Variants in WNK1 observed in about 807,000 individuals in gnomAD.
WNK1 encodes the protein serine/threonine-protein kinase WNK1.
Under a neutral mutation model 222.8 loss-of-function variants are expected in WNK1, and 38 were observed. That is an observed-to-expected ratio of 0.17 (90% CI 0.13 to 0.22). The LOEUF (loss-of-function observed/expected upper bound fraction) is 0.22. Among genes scored for constraint, WNK1 ranks in the 10% least tolerant of loss-of-function variants. WNK1 has a pLI of 1.00. For missense variants in WNK1, 2,348 were observed against 2,918.4 expected (o/e 0.80, Z 4.50); for synonymous variants, 1,090 against 1,092.9 (o/e 1.00, Z 0.05).
At chr12:859,560 C>T in intron 6 of WNK1, 96 bp downstream of exon 6, 2 of 902,076 alleles carry the variant, frequency 2.2e-6, no homozygotes, top group East Asian at 2.5e-5. Flanking sequence ...CCGTGTGTGG[C>T]ATATCCCATT....
chr12:877,508 G>A (rs570152971), intron 9 of WNK1, among the ~76,000 whole-genome samples: 3 of 152,152 alleles, frequency 2.0e-5, no homozygotes, highest in South Asian at 2.1e-4. Flanking sequence ...GTATAATTAC[G>A]CACCATGCAT....
rs1194455615 is a variant in WNK1 at position 794,936 on chromosome 12, G to A, written c.760-18706G>A. Among the ~76,000 whole-genome samples the A allele has an allele frequency of 2.0e-5, 3 of 152,072 alleles. No individual in the cohort carries two copies. The South Asian group carries it at 6.2e-4, about 32-fold the overall frequency. ...CTGGCTAATTTTTTTAAAAAATTGT[G>A]TAGAGATGTGGTCTTGCTGTGTTGC... is the stretch of plus-strand genomic sequence containing the variant. On this transcript the variant is annotated intron_variant, in intron 1 of 27. Transcript: ENST00000315939.
intron 15 of WNK1, 144 bp from the exon 16 acceptor site, chr12:883,251 T>A: frequency 9.4e-7 from 1 of 1,064,672 alleles, no homozygotes; most frequent in Non-Finnish European, 1.4e-6. Flanking sequence ...AACTAGATAT[T>A]GAAGTTCTTA....
rs750956260 is a variant in WNK1, at chr12:909,073, G to A, written c.*281G>A. 19 of 432,286 alleles carry A rather than the reference G, an allele frequency of 4.4e-5. No homozygotes were observed. The highest frequency in any genetic ancestry group is 6.8e-5 in the Non-Finnish European group (16 of 234,722). 26.8% of individuals were successfully genotyped at this position (432,286 alleles called of 1,614,324 possible). On this transcript the variant is annotated 3_prime_UTR_variant, in exon 28 of 28. Transcript: ENST00000315939. ...TATCTATACTCAGTAATGAGGATGA[G>A]GGCTAGGAAAGTCTTGTTCATAAGG...
chr12:879,192 G>A (rs1952896490), intron 10 of WNK1, among the ~76,000 whole-genome samples: 1 of 152,102 alleles, frequency 6.6e-6, no homozygotes, highest in East Asian at 1.9e-4. Flanking sequence ...TGTAACAGCA[G>A]TCGTAACTTT....
At chr12:834,650 G>T (rs1344958914) in intron 4 of WNK1, among the ~76,000 whole-genome samples, 1 of 152,140 alleles carries the variant, frequency 6.6e-6, no homozygotes, top group East Asian at 1.9e-4. Flanking sequence ...TAATTTCTCT[G>T]TACTTCAATT....
At chr12:828,767 G>A (rs1948569640) in intron 3 of WNK1, among the ~76,000 whole-genome samples, 1 of 152,174 alleles carries the variant, frequency 6.6e-6, no homozygotes, top group Non-Finnish European at 1.5e-5. Context: ...TTCACTCTAT[G>A]AAGAGGATAT....
rs1218206749 is a variant in WNK1, at chr12:760,349, T to A, written c.759+6025T>A. 2.7e-5 allele frequency among the ~76,000 whole-genome samples: 4 copies of A among 147,774 alleles called. 2 individuals are homozygous for A. The highest frequency in any genetic ancestry group is 1.3e-4 in the Admixed American group (2 of 14,886). On this transcript the variant is annotated intron_variant, in intron 1 of 27. Transcript: ENST00000315939. ...TATGGTGTAATAGAATACTATACAA[T>A]GAAAAGGAGCACCAAGGCAGAACCC...
Position 908,688 on chromosome 12 carries a change from G to T in WNK1, c.7045G>T (p.Gly2349Cys). 6.2e-7 allele frequency: 1 copy of T among 1,614,132 alleles called. No homozygotes were observed. The highest frequency in any genetic ancestry group is 8.5e-7 in the Non-Finnish European group (1 of 1,180,024). Reference sequence around the variant, plus strand: ...GGGTGGCCCAGCACCACAGCCACTTGGCCAGTTCCAACCTGTGGGAACTGC... The same window carrying T: ...GGGTGGCCCAGCACCACAGCCACTTTGCCAGTTCCAACCTGTGGGAACTGC... ...GTGGPAPQPLGQFQPVGTASL... is the reference protein window; with the variant it reads ...GTGGPAPQPLCQFQPVGTASL... Residue 2349 changes from glycine (G) to cysteine (C), a missense_variant, in exon 28 of 28, where the codon GGC becomes TGC. By Grantham distance (159) the Gly-to-Cys change is radical. Coordinates refer to ENST00000315939, the MANE Select transcript of WNK1 (RefSeq NM_018979.4).
chr12:757,353 G>C (rs369138312), intron 1 of WNK1, among the ~76,000 whole-genome samples: 79,955 of 125,444 alleles, frequency 0.64, 26,352 homozygotes, highest in East Asian at 0.88. Flanking sequence ...AAGAGACGGA[G>C]TCTTGCTCTA....
intron 1 of WNK1, among the ~76,000 whole-genome samples, chr12:804,616 A>G (rs1013036727): frequency 1.3e-5 from 2 of 151,974 alleles, no homozygotes; most frequent in Admixed American, 1.3e-4. Flanking sequence ...CAGGTGATCC[A>G]CCTGCCTTGG....
At chr12:808,540 T>G (rs1946595789) in intron 1 of WNK1, among the ~76,000 whole-genome samples, 1 of 152,152 alleles carries the variant, frequency 6.6e-6, no homozygotes, top group Non-Finnish European at 1.5e-5. Flanking sequence ...TATATGTATC[T>G]GCTACTTTTA....
intron 1 of WNK1, among the ~76,000 whole-genome samples, chr12:797,575 T>C (rs1591746870): frequency 6.6e-6 from 1 of 152,200 alleles, no homozygotes; most frequent in Non-Finnish European, 1.5e-5. Flanking sequence ...GCCATACTTT[T>C]ATTTATTATT....
In WNK1 at chr12:896,485, G is replaced by A. The variant is rs774666279; in HGVS notation, c.5998G>A (p.Glu2000Lys). ...PAVIPKKEKP[E>K]LSEPSHLNGP... ...TGTGATACCAAAGAAAGAGAAGCCTGAACTGTCAGAGCCTTCACATCTAAA... is the reference window on the plus strand; with the variant it reads ...TGTGATACCAAAGAAAGAGAAGCCTAAACTGTCAGAGCCTTCACATCTAAA... The change falls in exon 24 of 28, where the codon GAA (glutamate) becomes AAA (lysine). Residue 2000 changes from glutamate to lysine, a missense_variant. This residue lies in a region of WNK1 where 1,144 missense variants were observed against 1,273.6 expected (regional missense o/e 0.90). Coordinates refer to ENST00000315939, the MANE Select transcript of WNK1 (RefSeq NM_018979.4). 6.2e-7 allele frequency: 1 copy of A among 1,613,866 alleles called. No homozygotes were observed.
At chr12:768,397 A>C (rs1942043622) in intron 1 of WNK1, among the ~76,000 whole-genome samples, 1 of 152,104 alleles carries the variant, frequency 6.6e-6, no homozygotes, top group African/African-American at 2.4e-5. Flanking sequence ...CGGCCTCCCA[A>C]AGTGCTGGGA....
chr12:856,459 A>G (rs74656793), intron 4 of WNK1, among the ~76,000 whole-genome samples: 8 of 84,662 alleles, frequency 9.4e-5, no homozygotes, highest in East Asian at 8.0e-4. Flanking sequence ...ATCTCGAGGG[A>G]AAAAAAAAAA....
chr12:876,857 C>G (rs61073298), intron 9 of WNK1, among the ~76,000 whole-genome samples: 6,327 of 151,888 alleles, frequency 0.042, 330 homozygotes, highest in African/African-American at 0.12. Flanking sequence ...TGGCCACTTA[C>G]GCATAGAAAA....
intron 4 of WNK1, among the ~76,000 whole-genome samples, chr12:835,163 A>C (rs956232189): frequency 7.9e-5 from 12 of 152,286 alleles, no homozygotes; most frequent in African/African-American, 2.9e-4. Flanking sequence ...TACAAAAAAT[A>C]CAAAAATTAG....
At chr12:908,389 A>G (rs746580117) in intron 27 of WNK1, 86 bp from the exon 28 acceptor site, 61 of 1,354,346 alleles carry the variant, frequency 4.5e-5, no homozygotes, top group Admixed American at 2.5e-4. Flanking sequence ...TGTATCTTAC[A>G]GGATTATACT....
Sources: gnomAD v4.1 joint callset for allele counts (sites outside exome capture counted in the v4.1 genomes callset) on GRCh38, gnomAD v4.1.1 for gene constraint, gnomAD v4.1.1 regional missense constraint, MANE v1.5 for transcripts, NCBI Gene and HGNC (gene_info 2026-07-23, HGNC 2026-07-21) for gene names.